KLF12: variants seen among roughly 807,000 people sequenced by gnomAD.
KLF12 encodes the protein Krueppel-like factor 12.
A neutral mutation model predicts 37.8 loss-of-function variants in KLF12; 9 were observed. The ratio of observed to expected loss-of-function variants is 0.24; its 90% CI spans 0.14 to 0.42. The LOEUF is 0.42. Among genes scored for constraint, KLF12 ranks in the 10% least tolerant of loss-of-function variants. The pLI, the probability that KLF12 is intolerant of heterozygous loss-of-function variation, is 1.00. For synonymous variants in KLF12, 208 were observed against 202.1 expected, an observed-to-expected ratio of 1.03 and a Z score of -0.25; for missense variants, 411 against 516.0, an observed-to-expected ratio of 0.80 and a Z score of 1.97.
intron 1 of KLF12, among the ~76,000 whole-genome samples, chr13:74,116,688 A>G (rs982479463): frequency 6.6e-6 from 1 of 152,240 alleles, no homozygotes; most frequent in Non-Finnish European, 1.5e-5. Flanking sequence ...GTTGGAAACT[A>G]GGATAGAAAT....
chr13:74,221,129 G>C, the KLF12 span, among the ~76,000 whole-genome samples: 9 of 151,244 alleles, frequency 6.0e-5, no homozygotes, highest in Admixed American at 2.0e-4. Context: ...CTCAGCCTGC[G>C]GAGTAGCTGG....
chr13:73,917,353 A>G (rs1218752133), intron 3 of KLF12, among the ~76,000 whole-genome samples: 1 of 152,078 alleles, frequency 6.6e-6, no homozygotes, highest in Non-Finnish European at 1.5e-5. Context: ...AACCTTTCCA[A>G]TGCCTAGATC....
chr13:74,128,422 G>C (rs1182743385), intron 1 of KLF12, among the ~76,000 whole-genome samples: 1 of 152,058 alleles, frequency 6.6e-6, no homozygotes, highest in South Asian at 2.1e-4. Context: ...TGCCACACAA[G>C]AACTTTGTAG....
At chr13:74,235,608 G>T in the KLF12 span, among the ~76,000 whole-genome samples, 1 of 152,084 alleles carries the variant, frequency 6.6e-6, no homozygotes, top group African/African-American at 2.4e-5. Flanking sequence ...AGAAAAATGA[G>T]ATAAGATCTT....
chr13:74,032,895 A>T (rs1455351674), intron 1 of KLF12, among the ~76,000 whole-genome samples: 1 of 152,232 alleles, frequency 6.6e-6, no homozygotes, highest in Non-Finnish European at 1.5e-5. Flanking sequence ...TTAAAATTTT[A>T]AACAGAAATA....
chr13:74,066,978 A>T (rs764894097), intron 1 of KLF12, among the ~76,000 whole-genome samples: 5 of 152,196 alleles, frequency 3.3e-5, no homozygotes, highest in Non-Finnish European at 7.4e-5. Context: ...GATCAAAAAG[A>T]TCAGGCCCTG....
At chr13:73,840,006 C>A (rs1352467153) in intron 4 of KLF12, among the ~76,000 whole-genome samples, 3 of 152,154 alleles carry the variant, frequency 2.0e-5, no homozygotes, top group Admixed American at 2.0e-4. Flanking sequence ...TCGAGACTTT[C>A]AGTCTCCTCT....
the KLF12 span, among the ~76,000 whole-genome samples, chr13:74,231,957 A>G: frequency 3.3e-4 from 50 of 152,336 alleles, no homozygotes; most frequent in Non-Finnish European, 5.4e-4. Flanking sequence ...TTAAAATTAG[A>G]TATTCAAAGA....
chr13:73,831,025 C>CACAT (rs1555311663), intron 4 of KLF12, among the ~76,000 whole-genome samples: 10,134 of 141,416 alleles, frequency 0.072, 419 homozygotes, highest in Non-Finnish European at 0.087. Context: ...CACACACACA[C>CACAT]GCATACTTAT....
At chr13:73,928,744 CA>C (rs1889526030) in intron 3 of KLF12, among the ~76,000 whole-genome samples, 1 of 152,098 alleles carries the variant, frequency 6.6e-6, no homozygotes, top group Non-Finnish European at 1.5e-5. Context: ...CTTTGTATCA[CA>C]AAAAAAGCAA....
At chr13:73,761,586 TA>T (rs1879554480) in intron 6 of KLF12, among the ~76,000 whole-genome samples, 1 of 152,186 alleles carries the variant, frequency 6.6e-6, no homozygotes, top group Admixed American at 6.5e-5. Flanking sequence ...TTCACTTCTC[TA>T]AAAAACTGTC....
At chr13:74,070,367 A>G (rs1025283401) in intron 1 of KLF12, among the ~76,000 whole-genome samples, 2 of 152,234 alleles carry the variant, frequency 1.3e-5, no homozygotes, top group African/African-American at 4.8e-5. Context: ...ACACTCAGGC[A>G]CCTTGAGTTG....
chr13:73,951,280 A>G (rs1409067804), intron 2 of KLF12, among the ~76,000 whole-genome samples: 2 of 152,202 alleles, frequency 1.3e-5, no homozygotes, highest in East Asian at 1.9e-4. Flanking sequence ...TATTTATGAT[A>G]TATCAGTGGG....
intron 5 of KLF12, among the ~76,000 whole-genome samples, chr13:73,791,115 C>T (rs538661925): frequency 2.0e-4 from 30 of 152,208 alleles, no homozygotes; most frequent in African/African-American, 4.8e-5. Flanking sequence ...CTCTTCACTT[C>T]GTGTTTAAGC....
chr13:74,013,978 C>T (rs1375424350), intron 1 of KLF12, among the ~76,000 whole-genome samples: 1 of 151,916 alleles, frequency 6.6e-6, no homozygotes, highest in Non-Finnish European at 1.5e-5. Flanking sequence ...CCACAGCTGG[C>T]CAACAGCAGG....
intron 1 of KLF12, among the ~76,000 whole-genome samples, chr13:74,102,486 G>A (rs765811524): frequency 6.6e-5 from 10 of 151,506 alleles, no homozygotes; most frequent in Non-Finnish European, 8.8e-5. Flanking sequence ...TCACCTGAGG[G>A]TAGGAGTTTG....
At chr13:74,277,218 G>A in the KLF12 span, among the ~76,000 whole-genome samples, 1 of 152,104 alleles carries the variant, frequency 6.6e-6, no homozygotes, top group East Asian at 1.9e-4. Flanking sequence ...TTTCGTTTCT[G>A]GAGGCTACTG....
chr13:73,943,775 G>C (rs931445023), intron 3 of KLF12, among the ~76,000 whole-genome samples: 7 of 152,130 alleles, frequency 4.6e-5, no homozygotes, highest in Admixed American at 1.3e-4. Flanking sequence ...CAAATTTTAG[G>C]ATACTATCCC....
the KLF12 span, among the ~76,000 whole-genome samples, chr13:74,251,957 G>A: frequency 8.1e-4 from 123 of 152,204 alleles, 1 homozygote; most frequent in African/African-American, 2.7e-3. Flanking sequence ...AGTTTTTGGT[G>A]CCTAGATGGG....
Sources: allele counts gnomAD v4.1 joint callset (sites outside exome capture counted in the v4.1 genomes callset), GRCh38; gene constraint gnomAD v4.1.1; transcripts MANE v1.5; gene names NCBI Gene and HGNC (gene_info 2026-07-23, HGNC 2026-07-21).